The following XPNPEP1 variants were observed in gnomAD, a reference collection of about 807,000 sequenced individuals.
XPNPEP1 encodes the protein X-prolyl aminopeptidase 1.
Under a neutral mutation model 92.4 loss-of-function variants are expected in XPNPEP1, and 39 were observed. That is an observed-to-expected ratio of 0.42 (90% CI 0.33 to 0.55). The LOEUF is 0.55. Ranked by LOEUF, XPNPEP1 falls within the 20% of genes least tolerant of loss-of-function variation. XPNPEP1 has a pLI of 0.08. For synonymous variants in XPNPEP1, 307 were observed against 299.4 expected (o/e 1.03, Z -0.26); for missense variants, 654 against 856.1 (o/e 0.76, Z 2.95).
intron 20 of XPNPEP1, 143 bp from the exon 21 acceptor site, chr10:109,865,455 G>GT: frequency 2.7e-6 from 3 of 1,118,376 alleles, no homozygotes; most frequent in Non-Finnish European, 3.8e-6. Context: ...TTACTCACAG[G>GT]TAAGTATTTT....
intron 5 of XPNPEP1, chr10:109,891,203 C>T (rs1848686744): frequency 6.6e-6 from 1 of 152,436 alleles, no homozygotes; most frequent in South Asian, 2.1e-4. Flanking sequence ...GTGATTAACC[C>T]ATTTTACAGA....
chr10:109,879,061 T>G (rs1847940289), intron 12 of XPNPEP1, among the ~76,000 whole-genome samples: 2 of 149,362 alleles, frequency 1.3e-5, no homozygotes. Context: ...GCTAACACAG[T>G]GAAACCCCGT....
rs1847231521 is a variant in XPNPEP1, at chr10:109,867,962, T to C, written c.1872+652A>G. On this transcript the variant is annotated intron_variant, in intron 20 of 20. Transcript: ENST00000502935. The surrounding 1 kb of genome is among the most constrained non-coding windows in gnomAD (Gnocchi z 4.5). Reference sequence around the variant, plus strand: ...TGTGTGATTCTTCAGGCCTTTCTCATGTCCCCAGGACTGCCATCTGACCTG... The same window carrying C: ...TGTGTGATTCTTCAGGCCTTTCTCACGTCCCCAGGACTGCCATCTGACCTG... 1.3e-5 allele frequency among the ~76,000 whole-genome samples: 2 copies of C among 152,198 alleles called. No individual in the cohort carries two copies. The highest frequency in any genetic ancestry group is 2.9e-5 in the Non-Finnish European group (2 of 68,032).
At chr10:109,919,232 A>T (rs781176040) in intron 1 of XPNPEP1, among the ~76,000 whole-genome samples, 2 of 152,242 alleles carry the variant, frequency 1.3e-5, no homozygotes, top group Non-Finnish European at 2.9e-5. Flanking sequence ...AACATCTGTA[A>T]ATCTGTTGAG....
At chr10:109,913,816 C>G (rs1377046017) in intron 2 of XPNPEP1, among the ~76,000 whole-genome samples, 1 of 152,164 alleles carries the variant, frequency 6.6e-6, no homozygotes. Flanking sequence ...AGCTACCTAA[C>G]CTCTATTTCC....
chr10:109,905,034 G>T (rs1849481703), intron 3 of XPNPEP1, among the ~76,000 whole-genome samples: 1 of 151,122 alleles, frequency 6.6e-6, no homozygotes, highest in Admixed American at 6.6e-5. Flanking sequence ...AGATGAACAG[G>T]TTAAAAAAAA....
intron 4 of XPNPEP1, 39 bp from the exon 5 acceptor site, chr10:109,891,865 T>C: frequency 6.3e-7 from 1 of 1,592,432 alleles, no homozygotes; most frequent in Non-Finnish European, 8.6e-7. Context: ...AAGAAAGGTT[T>C]CTAACAACTG....
At chr10:109,877,618 TG>T (rs1170296090) in intron 14 of XPNPEP1, 171 bp downstream of exon 14, 1 of 812,788 alleles carries the variant, frequency 1.2e-6, no homozygotes, top group African/African-American at 1.7e-5. Context: ...GGCAGAGGCT[TG>T]GGGATTGGGA....
chr10:109,921,927 C>A lies in XPNPEP1; in HGVS notation c.32+1475G>T, dbSNP rs143368217. 3.8e-3 allele frequency among the ~76,000 whole-genome samples: 585 copies of A among 152,310 alleles called. 7 individuals are homozygous for A. The highest frequency in any genetic ancestry group is 0.014 in the African/African-American group (563 of 41,560). On this transcript the variant is annotated intron_variant, in intron 1 of 20. Transcript: ENST00000502935. ...GGCTCAACTTCTCTGCTGGGGCTGT[C>A]AGCCTAGAACTGTCATAACCTGCCA... is the stretch of plus-strand genomic sequence containing the variant.
intron 6 of XPNPEP1, 76 bp downstream of exon 6, chr10:109,888,427 C>T: frequency 6.9e-7 from 1 of 1,442,408 alleles, no homozygotes; most frequent in Non-Finnish European, 9.4e-7. Context: ...CCACACCCCA[C>T]AAGCAAATGA....
Position 109,892,978 on chromosome 10 carries a change from G to A in XPNPEP1, c.310+34C>T, listed in dbSNP as rs558951462. 2.5e-6 allele frequency: 4 copies of A among 1,607,272 alleles called. No individual in the cohort carries two copies. The African/African-American group carries it at 5.3e-5, about 21-fold the overall frequency. Reference sequence around the variant, plus strand: ...AGTTATTTTTAGGAGGCGAACAAAGGTGCAGCAAGAACAGAGAAAAAGTAG... The same window carrying A: ...AGTTATTTTTAGGAGGCGAACAAAGATGCAGCAAGAACAGAGAAAAAGTAG... On this transcript the variant is annotated intron_variant, in intron 4 of 20. Coordinates refer to ENST00000502935, the MANE Select transcript of XPNPEP1 (RefSeq NM_020383.4).
chr10:109,920,028 C>T (rs893177002), intron 1 of XPNPEP1, among the ~76,000 whole-genome samples: 5 of 150,820 alleles, frequency 3.3e-5, no homozygotes, highest in Admixed American at 1.3e-4. Flanking sequence ...AAGACTCCGT[C>T]TCATTTAAAA....
At position 109,868,603 on chromosome 10, in the gene XPNPEP1, T is replaced by A; in HGVS notation, c.1872+11A>T. ...TAGTAACATGCCTGCCCACCAAGAC[T>A]TCCCCATTACCTCTTTGTCTGTAAG... On this transcript the variant is annotated intron_variant, in intron 20 of 20. Coordinates refer to ENST00000502935, the MANE Select transcript of XPNPEP1 (RefSeq NM_020383.4). The A allele has an allele frequency of 6.2e-7, 1 of 1,609,454 alleles. No homozygotes were observed. Among genetic ancestry groups the A allele is most frequent in the Non-Finnish European group, 8.5e-7 (1 of 1,176,012 alleles).
chr10:109,881,949 G>A (rs936663397), intron 10 of XPNPEP1, among the ~76,000 whole-genome samples: 5 of 152,136 alleles, frequency 3.3e-5, no homozygotes, highest in Non-Finnish European at 7.4e-5. Context: ...AATGTGGTGC[G>A]GCAGAAGGAG....
chr10:109,912,626 C>T (rs1849940498), intron 2 of XPNPEP1, among the ~76,000 whole-genome samples: 1 of 152,168 alleles, frequency 6.6e-6, no homozygotes, highest in Non-Finnish European at 1.5e-5. Flanking sequence ...GCTAATGACC[C>T]TCATAATTTG....
chr10:109,886,579 C>T (rs1227977517), intron 7 of XPNPEP1, among the ~76,000 whole-genome samples: 1 of 152,200 alleles, frequency 6.6e-6, no homozygotes, highest in Non-Finnish European at 1.5e-5. Flanking sequence ...CCACAAATGC[C>T]TGTGTAACAT....
chr10:109,869,754 A>G (rs1847343868), intron 19 of XPNPEP1, 199 bp downstream of exon 19: 2 of 513,258 alleles, frequency 3.9e-6, no homozygotes, highest in Non-Finnish European at 3.5e-6. Flanking sequence ...AAAGTCCCTG[A>G]TATCTGGAGA....
chr10:109,874,503 T>C (rs576481811), intron 15 of XPNPEP1, among the ~76,000 whole-genome samples: 1 of 152,344 alleles, frequency 6.6e-6, no homozygotes, highest in South Asian at 2.1e-4. Flanking sequence ...GTTTACACCA[T>C]TATCAAGCAA....
At chr10:109,881,808 G>C (rs1365869228) in intron 10 of XPNPEP1, among the ~76,000 whole-genome samples, 1 of 152,218 alleles carries the variant, frequency 6.6e-6, no homozygotes, top group Non-Finnish European at 1.5e-5. Flanking sequence ...GAGGCAACAA[G>C]TGTCAGCTGC....
Sources: gnomAD v4.1 joint callset for allele counts (sites outside exome capture counted in the v4.1 genomes callset) on GRCh38, gnomAD v4.1.1 for gene constraint, Gnocchi (gnomAD v3.1) non-coding constraint, MANE v1.5 for transcripts, NCBI Gene and HGNC (gene_info 2026-07-23, HGNC 2026-07-21) for gene names.